The following LRRTM4 variants were observed in gnomAD, a reference collection of about 807,000 sequenced individuals.
LRRTM4 encodes the protein leucine-rich repeat transmembrane neuronal protein 4.
A neutral mutation model predicts 47.6 loss-of-function variants in LRRTM4; 25 were observed. The ratio of observed to expected loss-of-function variants is 0.53; its 90% confidence interval spans 0.38 to 0.73. LRRTM4 has a LOEUF of 0.73. Among genes scored for constraint, LRRTM4 ranks in the 30% least tolerant of loss-of-function variants. The pLI is 0.00. For synonymous variants in LRRTM4, 311 were observed against 269.5 expected (o/e 1.15, Z -1.51); for missense variants, 638 against 713.4 (o/e 0.89, Z 1.20).
At chr2:76,950,604 A>C (rs180734373) in intron 3 of LRRTM4, among the ~76,000 whole-genome samples, 5 of 151,958 alleles carry the variant, frequency 3.3e-5, no homozygotes, top group Admixed American at 2.6e-4. Flanking sequence ...TTTTTTGACT[A>C]TAAGAATTTG....
At chr2:76,829,555 T>C (rs1671276877) in intron 3 of LRRTM4, among the ~76,000 whole-genome samples, 1 of 151,980 alleles carries the variant, frequency 6.6e-6, no homozygotes, top group Non-Finnish European at 1.5e-5. Flanking sequence ...GGTTAGGGCT[T>C]CCCCTCACTC....
At chr2:77,364,888 A>G (rs894969197) in intron 3 of LRRTM4, among the ~76,000 whole-genome samples, 1 of 152,054 alleles carries the variant, frequency 6.6e-6, no homozygotes, top group African/African-American at 2.4e-5. Context: ...CAAATCCCCA[A>G]TAATTACATA....
intron 3 of LRRTM4, among the ~76,000 whole-genome samples, chr2:77,041,044 T>C (rs1222221398): frequency 6.6e-6 from 1 of 151,326 alleles, no homozygotes; most frequent in Non-Finnish European, 1.5e-5. Flanking sequence ...AACTGTACCT[T>C]TGTACTCATC....
At chr2:76,837,730 T>C (rs1249756838) in intron 3 of LRRTM4, among the ~76,000 whole-genome samples, 3 of 152,104 alleles carry the variant, frequency 2.0e-5, no homozygotes, top group Non-Finnish European at 4.4e-5. Context: ...ATGTGGCACA[T>C]ATACACCATG....
chr2:77,352,120 C>T (rs548488464), intron 3 of LRRTM4, among the ~76,000 whole-genome samples: 2 of 152,280 alleles, frequency 1.3e-5, no homozygotes, highest in African/African-American at 4.8e-5. Context: ...TATTATAGGA[C>T]AACTTTTCTT....
chr2:77,439,607 A>G (rs13395897), intron 3 of LRRTM4, among the ~76,000 whole-genome samples: 11,697 of 152,200 alleles, frequency 0.077, 622 homozygotes, highest in African/African-American at 0.15. Context: ...TATTTTCCCT[A>G]TTTTATTAAT....
intron 3 of LRRTM4, among the ~76,000 whole-genome samples, chr2:77,132,651 A>C (rs374077102): frequency 1.3e-5 from 2 of 152,180 alleles, no homozygotes; most frequent in Admixed American, 6.5e-5. Context: ...ATGGTGAAAG[A>C]GCAGAAGAGC....
chr2:77,160,259 C>T (rs1573021709), intron 3 of LRRTM4, among the ~76,000 whole-genome samples: 1 of 152,160 alleles, frequency 6.6e-6, no homozygotes, highest in Admixed American at 6.6e-5. Flanking sequence ...ATATAACAAT[C>T]ATGGCATTTC....
intron 3 of LRRTM4, among the ~76,000 whole-genome samples, chr2:77,514,235 T>C (rs1177166402): frequency 6.6e-6 from 1 of 152,046 alleles, no homozygotes; most frequent in East Asian, 1.9e-4. Context: ...CGATAAACTG[T>C]TAATTAAACT....
intron 3 of LRRTM4, among the ~76,000 whole-genome samples, chr2:77,310,087 G>A (rs1333939012): frequency 6.6e-6 from 1 of 152,026 alleles, no homozygotes; most frequent in Non-Finnish European, 1.5e-5. Flanking sequence ...ATGTATACTT[G>A]ACACTAAGAT....
intron 3 of LRRTM4, among the ~76,000 whole-genome samples, chr2:76,952,699 C>G (rs1675535546): frequency 6.6e-6 from 1 of 151,710 alleles, no homozygotes; most frequent in Non-Finnish European, 1.5e-5. Flanking sequence ...AATATATATC[C>G]AAAAGAAAAT....
intron 3 of LRRTM4, among the ~76,000 whole-genome samples, chr2:77,298,497 A>G (rs1387609317): frequency 6.6e-6 from 1 of 152,168 alleles, no homozygotes; most frequent in East Asian, 1.9e-4. Flanking sequence ...TCGGCCTCCC[A>G]AAGTGCTGGG....
chr2:77,505,399 A>G, intron 3 of LRRTM4, among the ~76,000 whole-genome samples: 1 of 151,452 alleles, frequency 6.6e-6, no homozygotes, highest in East Asian at 1.9e-4. Flanking sequence ...GTGTTTTCCT[A>G]GTTTAAAAAT....
intron 3 of LRRTM4, among the ~76,000 whole-genome samples, chr2:76,816,001 G>T (rs1026594939): frequency 2.0e-5 from 3 of 151,690 alleles, no homozygotes; most frequent in Non-Finnish European, 4.4e-5. Flanking sequence ...TTTTGAGATG[G>T]GGAGGTATTG....
At chr2:76,981,102 T>C (rs74453513) in intron 3 of LRRTM4, among the ~76,000 whole-genome samples, 188 of 152,198 alleles carry the variant, frequency 1.2e-3, no homozygotes, top group Non-Finnish European at 2.2e-3. Flanking sequence ...TATTTACATT[T>C]CATGAAGAAT....
chr2:77,472,013 C>T (rs548488873), intron 3 of LRRTM4, among the ~76,000 whole-genome samples: 5 of 152,070 alleles, frequency 3.3e-5, no homozygotes, highest in Non-Finnish European at 7.4e-5. Flanking sequence ...GTGTCACCTT[C>T]GGGGCACCAG....
At chr2:77,212,355 GAT>G (rs67657668) in intron 3 of LRRTM4, among the ~76,000 whole-genome samples, 97,148 of 146,462 alleles carry the variant, frequency 0.66, 32,236 homozygotes, top group African/African-American at 0.76. Context: ...ATTAACTCAT[GAT>G]ATATATATAT....
intron 3 of LRRTM4, among the ~76,000 whole-genome samples, chr2:76,805,783 T>C (rs1675934820): frequency 6.6e-6 from 1 of 151,988 alleles, no homozygotes; most frequent in African/African-American, 2.4e-5. Flanking sequence ...TAGTTCCTCT[T>C]ACTTCCCCTT....
intron 3 of LRRTM4, among the ~76,000 whole-genome samples, chr2:76,888,064 TATATATATAC>T (rs1228248403): frequency 2.7e-5 from 4 of 150,526 alleles, no homozygotes; most frequent in South Asian, 2.1e-4. Context: ...TGTGTGTTTG[TATATATATAC>T]ATATATATAC....
Sources: allele counts gnomAD v4.1 joint callset (sites outside exome capture counted in the v4.1 genomes callset), GRCh38; gene constraint gnomAD v4.1.1; transcripts MANE v1.5; gene names NCBI Gene and HGNC (gene_info 2026-07-23, HGNC 2026-07-21).